Variants in ZNF277 observed in about 807,000 individuals in gnomAD.
ZNF277 encodes the protein zinc finger protein 277.
A neutral mutation model predicts 60.7 loss-of-function variants in ZNF277; 55 were observed. That is an observed-to-expected ratio of 0.91 (90% CI 0.73 to 1.13). The LOEUF is 1.13. Ranked by LOEUF, ZNF277 falls within the 50% of genes most tolerant of loss-of-function variation. The probability of loss-of-function intolerance (pLI) is 0.00; values close to 1 mark genes in which losing one functional copy is unlikely to be tolerated. For synonymous variants in ZNF277, 178 were observed against 179.3 expected (o/e 0.99, Z 0.06); for missense variants, 510 against 523.0 (o/e 0.98, Z 0.24).
At chr7:112,222,927 AAG>A (rs1324185993) in intron 1 of ZNF277, among the ~76,000 whole-genome samples, 4 of 152,134 alleles carry the variant, frequency 2.6e-5, no homozygotes, top group Admixed American at 6.5e-5. Flanking sequence ...AAAATGTGAA[AAG>A]AGAGACTGGC....
Position 112,341,010 on chromosome 7 carries a change from C to T in ZNF277, c.1148C>T (p.Ser383Leu), listed in dbSNP as rs79323676. The change falls in exon 11 of 12, where the codon TCG becomes TTG. Residue 383 changes from serine (S) to leucine (L), a missense_variant. By Grantham distance (145) the Ser-to-Leu change is moderately radical. Transcript: ENST00000361822. ...RTHMEETKHT[S>L]LLPDRKTWDQ... ...CACATGGAAGAAACTAAACACACTT[C>T]GCTGCTCCCCGATAGAAAGACGTGG... 3,775 of 1,602,582 alleles carry T rather than the reference C, an allele frequency of 2.4e-3. 79 individuals carry two copies. In the African/African-American group the frequency reaches 0.044, roughly 19 times the overall value.
chr7:112,285,417 GA>G (rs897732816), intron 1 of ZNF277, among the ~76,000 whole-genome samples: 77 of 125,812 alleles, frequency 6.1e-4, no homozygotes, highest in South Asian at 3.9e-3. Flanking sequence ...GATAAAGTAA[GA>G]AAAAAAAAAT....
At chr7:112,214,047 G>A (rs567871617) in intron 1 of ZNF277, among the ~76,000 whole-genome samples, 2 of 152,322 alleles carry the variant, frequency 1.3e-5, no homozygotes, top group Non-Finnish European at 2.9e-5. Flanking sequence ...TATGTCTTCT[G>A]CACTTGAAGA....
At chr7:112,266,558 T>C (rs1791555977) in intron 1 of ZNF277, among the ~76,000 whole-genome samples, 1 of 152,134 alleles carries the variant, frequency 6.6e-6, no homozygotes, top group African/African-American at 2.4e-5. Context: ...ATGAAGACTT[T>C]TTTTTTTGAC....
At chr7:112,310,641 TCA>T (rs1792710024) in intron 4 of ZNF277, among the ~76,000 whole-genome samples, 1 of 152,070 alleles carries the variant, frequency 6.6e-6, no homozygotes, top group South Asian at 2.1e-4. Flanking sequence ...CCCAGATACC[TCA>T]GAGTTAATCC....
intron 1 of ZNF277, among the ~76,000 whole-genome samples, chr7:112,248,276 G>A (rs1791126848): frequency 6.6e-6 from 1 of 151,554 alleles, no homozygotes; most frequent in Non-Finnish European, 1.5e-5. Context: ...TGGCTCATCT[G>A]GGAGAGTGGA....
rs112247471 is a variant in ZNF277 at position 112,239,776 on chromosome 7, A to G, written c.91+32969A>G. 2.1e-3 allele frequency among the ~76,000 whole-genome samples: 315 copies of G among 152,356 alleles called. 2 individuals are homozygous for G. Among genetic ancestry groups the G allele is most frequent in the African/African-American group, 7.2e-3 (301 of 41,586 alleles). On this transcript the variant is annotated intron_variant, in intron 1 of 11. Transcript: ENST00000361822. ...TAGTAAGTACACAGACAAGTACAGA[A>G]TAGTATAAAACCATAATCATGGTAT...
At position 112,258,851 on chromosome 7, in the gene ZNF277, T is replaced by G. The variant is rs564416655; in HGVS notation, c.92-28022T>G. On this transcript the variant is annotated intron_variant, in intron 1 of 11. Transcript: ENST00000361822. ...GTTCCAATGAACATTTTTGTCTACA[T>G]ATTTACCCTCGTGCTACCATTTGCC... 2.4e-3 allele frequency among the ~76,000 whole-genome samples: 364 copies of G among 152,212 alleles called. 2 individuals are homozygous for G. The highest frequency in any genetic ancestry group is 0.017 in the Middle Eastern group (5 of 294).
intron 4 of ZNF277, among the ~76,000 whole-genome samples, chr7:112,309,598 A>G (rs1474370773): frequency 6.6e-6 from 1 of 151,754 alleles, no homozygotes; most frequent in East Asian, 2.0e-4. Flanking sequence ...ATTAATCCTA[A>G]GTATATTGTC....
chr7:112,242,637 A>G (rs951422546), intron 1 of ZNF277, among the ~76,000 whole-genome samples: 1 of 151,924 alleles, frequency 6.6e-6, no homozygotes, highest in Non-Finnish European at 1.5e-5. Context: ...CTACAAGGAA[A>G]ACTATGAAAC....
At chr7:112,288,269 T>G (rs765013984) in intron 2 of ZNF277, 2 of 152,204 alleles carry the variant, frequency 1.3e-5, no homozygotes, top group Non-Finnish European at 2.9e-5. Flanking sequence ...TAAAATTTGG[T>G]GTATCTGGTA....
chr7:112,299,813 G>A (rs569916634), intron 4 of ZNF277, among the ~76,000 whole-genome samples: 4 of 152,278 alleles, frequency 2.6e-5, no homozygotes, highest in African/African-American at 9.6e-5. Flanking sequence ...AGTCCACGAG[G>A]AAGAACCCTC....
At chr7:112,264,209 C>G (rs1222239481) in intron 1 of ZNF277, among the ~76,000 whole-genome samples, 3 of 151,462 alleles carry the variant, frequency 2.0e-5, no homozygotes. Flanking sequence ...TATTCATTAG[C>G]TTATGTATAC....
chr7:112,287,079 G>A lies in ZNF277; in HGVS notation c.293+5G>A. ...GTTGGTTGCTGATTTCCAAAGGTAAGTTCTGTTTTTGTCCTTAAAAGAATT... is the reference window on the plus strand; with the variant it reads ...GTTGGTTGCTGATTTCCAAAGGTAAATTCTGTTTTTGTCCTTAAAAGAATT... On this transcript the variant is annotated splice_donor_5th_base_variant and intron_variant, in intron 2 of 11. Transcript: ENST00000361822. The A allele has an allele frequency of 6.2e-7, 1 of 1,613,664 alleles. No homozygotes were observed. Among genetic ancestry groups the A allele is most frequent in the Non-Finnish European group, 8.5e-7 (1 of 1,179,622 alleles).
intron 7 of ZNF277, 110 bp downstream of exon 7, chr7:112,330,326 AT>A: frequency 9.8e-7 from 1 of 1,018,804 alleles, no homozygotes; most frequent in Non-Finnish European, 1.5e-6. Flanking sequence ...TCAAAATGTA[AT>A]TGAGGGGCAC....
intron 4 of ZNF277, among the ~76,000 whole-genome samples, chr7:112,308,331 A>G (rs1315130141): frequency 6.6e-6 from 1 of 151,956 alleles, no homozygotes; most frequent in Non-Finnish European, 1.5e-5. Flanking sequence ...CCTGACCAAC[A>G]TAGCGAAACC....
intron 2 of ZNF277, among the ~76,000 whole-genome samples, chr7:112,292,176 T>G (rs1448196575): frequency 6.6e-6 from 1 of 152,206 alleles, no homozygotes; most frequent in African/African-American, 2.4e-5. Context: ...AAAGTAAGCA[T>G]GTCATGTGAT....
rs553321013 is a variant in ZNF277 at position 112,254,619 on chromosome 7, A to G, written c.92-32254A>G. On this transcript the variant is annotated intron_variant, in intron 1 of 11. Coordinates refer to ENST00000361822, the MANE Select transcript of ZNF277 (RefSeq NM_021994.3). ...GGCATTACACAATGTCAGATTAGCTAATGAAAAGAAGTGTTTCCTAATCCT... is the reference window on the plus strand; with the variant it reads ...GGCATTACACAATGTCAGATTAGCTGATGAAAAGAAGTGTTTCCTAATCCT... 5.3e-5 allele frequency among the ~76,000 whole-genome samples: 8 copies of G among 152,342 alleles called. No individual in the cohort carries two copies. In the East Asian group the frequency reaches 1.2e-3, roughly 22 times the overall value.
intron 1 of ZNF277, among the ~76,000 whole-genome samples, chr7:112,281,867 C>G (rs760967020): frequency 6.6e-6 from 1 of 152,106 alleles, no homozygotes; most frequent in Non-Finnish European, 1.5e-5. Flanking sequence ...GAGTCTTGCT[C>G]TGTCACCCAG....
Sources: gnomAD v4.1 joint callset for allele counts (sites outside exome capture counted in the v4.1 genomes callset) on GRCh38, gnomAD v4.1.1 for gene constraint, MANE v1.5 for transcripts, NCBI Gene and HGNC (gene_info 2026-07-23, HGNC 2026-07-21) for gene names.